NLGN4X: variants seen among roughly 807,000 people sequenced by gnomAD.
NLGN4X encodes neuroligin-4, X-linked.
In NLGN4X, 3 loss-of-function variants were observed where a neutral mutation model predicts 40.3. The ratio of observed to expected loss-of-function variants is 0.07; its 90% CI spans 0.03 to 0.19. The LOEUF (loss-of-function observed/expected upper bound fraction) is 0.19. Ranked by LOEUF, NLGN4X falls within the 10% of genes least tolerant of loss-of-function variation. The pLI, the probability that NLGN4X is intolerant of heterozygous loss-of-function variation, is 1.00. For synonymous variants in NLGN4X, 270 were observed against 306.8 expected (o/e 0.88, Z 1.25); for missense variants, 382 against 708.3 (o/e 0.54, Z 5.23).
chrX:6,135,058 A>C (rs1423555735), intron 2 of NLGN4X, among the ~76,000 whole-genome samples: 1 of 112,187 alleles, frequency 8.9e-6, no homozygotes, highest in Non-Finnish European at 1.9e-5. Flanking sequence ...AGAACTCTTA[A>C]AAGAGATGGC....
rs971526140 is a variant in NLGN4X, at chrX:6,142,176, T to A, written c.472+8819A>T. 3.6e-5 allele frequency among the ~76,000 whole-genome samples: 4 copies of A among 112,659 alleles called. No homozygotes were observed. The East Asian group carries it at 1.1e-3, about 31-fold the overall frequency. ...TTGAATTGAATTAAAATTCATGTAT[T>A]GGAAGATTATGTACATAAGGGAAAA... On this transcript the variant is annotated intron_variant, in intron 2 of 5. Coordinates refer to ENST00000381095, the MANE Select transcript of NLGN4X (RefSeq NM_181332.3).
At position 5,891,830 on chromosome X, in the gene NLGN4X, G is replaced by T. The variant is rs1352979748; in HGVS notation, c.*987C>A. ...AAGTCAAAAGTTTTTCAAAACAGTG[G>T]TCTCCTAAGAATGCTCTTGCATGCA... is the stretch of plus-strand genomic sequence containing the variant. On this transcript the variant is annotated 3_prime_UTR_variant, in exon 6 of 6. Transcript: ENST00000381095. The T allele has an allele frequency of 1.4e-5, 2 of 144,260 alleles. No individual in the cohort carries two copies. Among genetic ancestry groups the T allele is most frequent in the African/African-American group, 6.4e-5 (2 of 31,229 alleles). The allele number at this position is 144,260 out of a possible 1,213,427, so 11.9% of individuals were successfully genotyped here.
intron 3 of NLGN4X, among the ~76,000 whole-genome samples, chrX:5,946,863 G>GT (rs1355044953): frequency 5.4e-5 from 6 of 110,943 alleles, no homozygotes; most frequent in Admixed American, 1.9e-4. Flanking sequence ...CCCAGTGTCT[G>GT]TTGTTCCCTA....
At chrX:6,065,086 G>A (rs1258650416) in intron 2 of NLGN4X, among the ~76,000 whole-genome samples, 1 of 110,335 alleles carries the variant, frequency 9.1e-6, no homozygotes, top group African/African-American at 3.3e-5. Context: ...CCCAAAAAGG[G>A]GAACAATAAA....
chrX:6,129,082 T>C (rs1164024766), intron 2 of NLGN4X, among the ~76,000 whole-genome samples: 1 of 111,589 alleles, frequency 9.0e-6, no homozygotes, highest in Non-Finnish European at 1.9e-5. Flanking sequence ...AATGGGGTGG[T>C]AAATAACAGT....
intron 2 of NLGN4X, among the ~76,000 whole-genome samples, chrX:6,105,097 G>A (rs995966271): frequency 5.5e-5 from 6 of 108,130 alleles, no homozygotes; most frequent in African/African-American, 1.7e-4. Context: ...GTCCCACTCC[G>A]TCTCCCAGGC....
At chrX:5,987,082 A>C (rs947215617) in intron 3 of NLGN4X, among the ~76,000 whole-genome samples, 3 of 112,130 alleles carry the variant, frequency 2.7e-5, no homozygotes, top group African/African-American at 9.7e-5. Context: ...CATATCTATT[A>C]GGAATAAAAT....
chrX:5,963,909 T>C (rs148587725), intron 3 of NLGN4X, among the ~76,000 whole-genome samples: 1 of 112,373 alleles, frequency 8.9e-6, no homozygotes, highest in Non-Finnish European at 1.9e-5. Context: ...TGCTCTTTCC[T>C]GCTTCGGAAT....
intron 2 of NLGN4X, among the ~76,000 whole-genome samples, chrX:6,085,938 G>A (rs1437065397): frequency 1.8e-5 from 2 of 112,183 alleles, no homozygotes; most frequent in Non-Finnish European, 3.8e-5. Context: ...TCTTCAAGGG[G>A]TTAACGATAG....
At chrX:5,917,764 C>G (rs189004023) in intron 3 of NLGN4X, among the ~76,000 whole-genome samples, 2 of 111,899 alleles carry the variant, frequency 1.8e-5, no homozygotes, top group East Asian at 5.6e-4. Context: ...AAATGTCCTT[C>G]AAATATATGA....
At chrX:6,070,179 T>C (rs985084777) in intron 2 of NLGN4X, among the ~76,000 whole-genome samples, 3 of 111,135 alleles carry the variant, frequency 2.7e-5, no homozygotes, top group Non-Finnish European at 5.7e-5. Context: ...TTTAAGGCTT[T>C]TTTTTTTAAT....
At chrX:6,227,484 G>C (rs1926482164) in intron 1 of NLGN4X, among the ~76,000 whole-genome samples, 1 of 108,934 alleles carries the variant, frequency 9.2e-6, no homozygotes, top group African/African-American at 3.4e-5. Context: ...GTTCAGAGAT[G>C]GTTCCCAGGG....
At chrX:6,009,494 T>C (rs1022421275) in intron 3 of NLGN4X, among the ~76,000 whole-genome samples, 9 of 112,397 alleles carry the variant, frequency 8.0e-5, no homozygotes, top group African/African-American at 2.9e-4. Flanking sequence ...GAAAACATGA[T>C]TTCTTGTGTA....
chrX:5,929,729 T>A (rs923037291), intron 3 of NLGN4X, among the ~76,000 whole-genome samples: 2 of 112,115 alleles, frequency 1.8e-5, no homozygotes, highest in African/African-American at 6.5e-5. Flanking sequence ...GAGGCCCCTA[T>A]GACAAAAGAC....
intron 1 of NLGN4X, among the ~76,000 whole-genome samples, chrX:6,164,695 T>C (rs2040465136): frequency 9.0e-6 from 1 of 111,686 alleles, no homozygotes; most frequent in Non-Finnish European, 1.9e-5. Context: ...TCCGAAAAGC[T>C]GAGTGTCTTC....
intron 1 of NLGN4X, among the ~76,000 whole-genome samples, chrX:6,217,252 A>G (rs774118530): frequency 8.9e-6 from 1 of 112,398 alleles, no homozygotes; most frequent in Non-Finnish European, 1.9e-5. Flanking sequence ...ATATGTATTT[A>G]TAACATCAGG....
At chrX:5,982,293 G>A (rs1030046029) in intron 3 of NLGN4X, among the ~76,000 whole-genome samples, 5 of 112,279 alleles carry the variant, frequency 4.5e-5, no homozygotes, top group African/African-American at 6.5e-5. Context: ...AGGCTGTGGT[G>A]TCAGGTGATG....
intron 2 of NLGN4X, among the ~76,000 whole-genome samples, chrX:6,040,440 A>G: frequency 1.0e-5 from 1 of 97,254 alleles, no homozygotes; most frequent in East Asian, 3.3e-4. Context: ...TAAGTATTAT[A>G]ATTTATCACT....
intron 2 of NLGN4X, among the ~76,000 whole-genome samples, chrX:6,108,061 A>G (rs1450555010): frequency 8.9e-6 from 1 of 111,972 alleles, no homozygotes; most frequent in Non-Finnish European, 1.9e-5. Context: ...TTGGCATAAT[A>G]TTTGCAATAA....
Sources: gnomAD v4.1 joint callset for allele counts (sites outside exome capture counted in the v4.1 genomes callset) on GRCh38, gnomAD v4.1.1 for gene constraint, MANE v1.5 for transcripts, NCBI Gene and HGNC (gene_info 2026-07-23, HGNC 2026-07-21) for gene names.